The following PTPRD variants were observed in gnomAD, a reference collection of about 807,000 sequenced individuals.
PTPRD encodes the protein protein tyrosine phosphatase receptor type D, also known as receptor-type tyrosine-protein phosphatase delta.
In PTPRD, 34 loss-of-function variants were observed where a neutral mutation model predicts 214.5. That is an observed-to-expected ratio of 0.16 (90% confidence interval 0.12 to 0.21). The LOEUF (loss-of-function observed/expected upper bound fraction) is 0.21. Ranked by LOEUF, PTPRD falls within the 10% of genes least tolerant of loss-of-function variation. The pLI is 1.00. For missense variants in PTPRD, 2,545 were observed against 2,398.7 expected (o/e 1.06, Z -1.27); for synonymous variants, 1,128 against 845.7 (o/e 1.33, Z -5.79).
chr9:8,801,770 T>C (rs2096576403), intron 11 of PTPRD, among the ~76,000 whole-genome samples: 1 of 152,198 alleles, frequency 6.6e-6, no homozygotes, highest in African/African-American at 2.4e-5. Flanking sequence ...GTGTTACCCA[T>C]TAAACCTGGC....
At chr9:8,978,171 A>C (rs889729455) in intron 11 of PTPRD, among the ~76,000 whole-genome samples, 6 of 152,078 alleles carry the variant, frequency 3.9e-5, no homozygotes, top group African/African-American at 1.4e-4. Flanking sequence ...TGGGGAAGGG[A>C]GGTCCTTGCC....
chr9:9,173,385 T>C (rs2099922655), intron 10 of PTPRD, among the ~76,000 whole-genome samples: 1 of 152,162 alleles, frequency 6.6e-6, no homozygotes, highest in African/African-American at 2.4e-5. Flanking sequence ...TTGGTATCCA[T>C]TTGTACTGGT....
chr9:10,038,525 G>C (rs564599600), intron 3 of PTPRD, among the ~76,000 whole-genome samples: 9 of 151,936 alleles, frequency 5.9e-5, no homozygotes, highest in Non-Finnish European at 7.4e-5. Context: ...ATCTTATGTA[G>C]TTACTCCACA....
chr9:9,719,219 G>A (rs2097890619), intron 7 of PTPRD, among the ~76,000 whole-genome samples: 1 of 152,074 alleles, frequency 6.6e-6, no homozygotes, highest in Non-Finnish European at 1.5e-5. Flanking sequence ...CCCACTTCAG[G>A]TAACCTCTCT....
Position 8,317,839 on chromosome 9 carries a change from G to A in PTPRD, c.*35C>T, listed in dbSNP as rs749698798. 1 of 1,593,046 alleles carries A rather than the reference G, an allele frequency of 6.3e-7. No individual in the cohort carries two copies. The highest frequency in any genetic ancestry group is 8.6e-7 in the Non-Finnish European group (1 of 1,161,684). On this transcript the variant is annotated 3_prime_UTR_variant, in exon 46 of 46. Transcript: ENST00000381196. ...GAAGAGACTCCATGGATATTGAAGG[G>A]CCTGTAGTAAAAATCCAGAATGGGT...
At chr9:8,447,945 G>A (rs2095799049) in intron 34 of PTPRD, among the ~76,000 whole-genome samples, 1 of 152,146 alleles carries the variant, frequency 6.6e-6, no homozygotes, top group South Asian at 2.1e-4. Context: ...GAATCATGTA[G>A]CAGATCATTT....
chr9:9,460,845 T>C (rs151054988), intron 8 of PTPRD, among the ~76,000 whole-genome samples: 3 of 152,068 alleles, frequency 2.0e-5, no homozygotes, highest in Non-Finnish European at 4.4e-5. Flanking sequence ...GGAAAATAAA[T>C]GATTTTATCA....
intron 4 of PTPRD, among the ~76,000 whole-genome samples, chr9:10,011,856 G>A (rs1282447612): frequency 1.3e-5 from 2 of 151,904 alleles, no homozygotes; most frequent in African/African-American, 2.4e-5. Flanking sequence ...TCAGTAATCA[G>A]TACCCTCAGT....
chr9:8,560,433 A>G (rs1035286011), intron 14 of PTPRD, among the ~76,000 whole-genome samples: 25 of 130,850 alleles, frequency 1.9e-4, no homozygotes, highest in Admixed American at 6.0e-4. Context: ...ACTTAAAAAA[A>G]AATACATACA....
At chr9:8,851,758 A>G (rs781724238) in intron 11 of PTPRD, among the ~76,000 whole-genome samples, 29 of 152,182 alleles carry the variant, frequency 1.9e-4, no homozygotes, top group Non-Finnish European at 3.7e-4. Flanking sequence ...CCTCCATTTT[A>G]CAGATGATGA....
intron 14 of PTPRD, among the ~76,000 whole-genome samples, chr9:8,534,602 G>A (rs868158331): frequency 1.8e-4 from 27 of 148,590 alleles, no homozygotes; most frequent in African/African-American, 5.6e-4. Flanking sequence ...AATATGCAGC[G>A]TATTTTTAAA....
At chr9:9,367,477 G>C (rs1369560303) in intron 9 of PTPRD, among the ~76,000 whole-genome samples, 1 of 151,630 alleles carries the variant, frequency 6.6e-6, no homozygotes, top group Non-Finnish European at 1.5e-5. Context: ...CCAATTGTAA[G>C]TAAAGTTACA....
intron 5 of PTPRD, among the ~76,000 whole-genome samples, chr9:9,869,137 G>C (rs1218773669): frequency 6.6e-6 from 1 of 152,086 alleles, no homozygotes; most frequent in South Asian, 2.1e-4. Flanking sequence ...AATGAGGACA[G>C]ATACTTACTT....
intron 5 of PTPRD, among the ~76,000 whole-genome samples, chr9:9,833,124 A>G (rs2821460): frequency 0.56 from 85,294 of 151,752 alleles, 26,730 homozygotes; most frequent in East Asian, 0.9. Context: ...CAATACAGAT[A>G]TATTTCTAAG....
At chr9:8,602,266 C>T (rs901021391) in intron 14 of PTPRD, among the ~76,000 whole-genome samples, 5 of 152,212 alleles carry the variant, frequency 3.3e-5, no homozygotes, top group Non-Finnish European at 5.9e-5. Context: ...TTTACAATTA[C>T]ATCTATCTGT....
chr9:9,181,766 G>A (rs1430528105), intron 10 of PTPRD, among the ~76,000 whole-genome samples: 1 of 151,950 alleles, frequency 6.6e-6, no homozygotes, highest in Non-Finnish European at 1.5e-5. Flanking sequence ...AAGAAACAAT[G>A]TCATTAATGG....
intron 2 of PTPRD, among the ~76,000 whole-genome samples, chr9:10,393,116 A>T (rs939602161): frequency 3.3e-5 from 5 of 151,928 alleles, no homozygotes; most frequent in African/African-American, 1.2e-4. Context: ...GTAGTGTGAC[A>T]TGCATAGTCA....
At chr9:9,830,015 C>T (rs961244813) in intron 5 of PTPRD, among the ~76,000 whole-genome samples, 4 of 151,648 alleles carry the variant, frequency 2.6e-5, no homozygotes, top group Admixed American at 6.6e-5. Flanking sequence ...TTAATAGTTC[C>T]ATGTGGTATC....
chr9:10,084,981 C>T (rs2098309394), intron 3 of PTPRD, among the ~76,000 whole-genome samples: 1 of 151,872 alleles, frequency 6.6e-6, no homozygotes, highest in Non-Finnish European at 1.5e-5. Flanking sequence ...TAAACCATAT[C>T]ATGATTTGAA....
Sources: allele counts gnomAD v4.1 joint callset (sites outside exome capture counted in the v4.1 genomes callset), GRCh38; gene constraint gnomAD v4.1.1; transcripts MANE v1.5; gene names NCBI Gene and HGNC (gene_info 2026-07-23, HGNC 2026-07-21).